MUCL1: variants seen among roughly 807,000 people sequenced by gnomAD.
MUCL1 encodes the protein mucin like 1.
A neutral mutation model predicts 9.2 loss-of-function variants in MUCL1; 11 were observed. The observed-to-expected ratio is 1.19, with a 90% CI of 0.75 to 1.97. The LOEUF (loss-of-function observed/expected upper bound fraction) is 1.97. MUCL1 is among the 30% of genes most tolerant of loss of function. The probability of loss-of-function intolerance (pLI) is 0.00; values close to 1 mark genes in which losing one functional copy is unlikely to be tolerated. For missense variants in MUCL1, 144 were observed against 110.9 expected, an observed-to-expected ratio of 1.30 and a Z score of -1.34; for synonymous variants, 48 against 40.5, an observed-to-expected ratio of 1.19 and a Z score of -0.71.
At chr12:54,851,745 T>C (rs1045470068), upstream of MUCL1, among the ~76,000 whole-genome samples, 143 of 152,264 alleles carry the variant, frequency 9.4e-4, no homozygotes, top group Non-Finnish European at 1.7e-3. Context: ...GACATGATTG[T>C]ATATCTAGAA....
At chr12:54,854,139 C>T (rs200615288), upstream of MUCL1, among the ~76,000 whole-genome samples, 5 of 152,300 alleles carry the variant, frequency 3.3e-5, no homozygotes, top group East Asian at 9.7e-4. Flanking sequence ...AGACAGAGGT[C>T]TAAGCACTCT....
At chr12:54,835,543 C>T (rs564110283), upstream of MUCL1, among the ~76,000 whole-genome samples, 1 of 150,104 alleles carries the variant, frequency 6.7e-6, no homozygotes, top group South Asian at 2.1e-4. Flanking sequence ...ATTTATTGGC[C>T]ATTTGTATAT....
chr12:54,853,829 T>C (rs1868275944), upstream of MUCL1, among the ~76,000 whole-genome samples: 1 of 152,240 alleles, frequency 6.6e-6, no homozygotes, highest in African/African-American at 2.4e-5. Context: ...TGGCATACAA[T>C]AATGCTCAAT....
At position 54,854,910 on chromosome 12, in the gene MUCL1, C is replaced by T. The variant is rs546976184; in HGVS notation, c.59-206C>T. On this transcript the variant is annotated intron_variant, in intron 1 of 3. Coordinates refer to ENST00000308796, the MANE Select transcript of MUCL1 (RefSeq NM_058173.3). The stretch of plus-strand genomic sequence containing the variant: ...CAAGAAGGTAATCAGAGGTTTATTT[C>T]GGGAAAGGAAAAATGACCACATATT... 2.2e-4 allele frequency among the ~76,000 whole-genome samples: 34 copies of T among 152,128 alleles called. No individual in the cohort carries two copies. In the East Asian group the frequency reaches 2.3e-3, roughly 10 times the overall value.
intron 3 of MUCL1, among the ~76,000 whole-genome samples, 177 bp from the exon 4 acceptor site, chr12:54,858,016 A>G (rs1868313687): frequency 6.6e-6 from 1 of 152,162 alleles, no homozygotes; most frequent in South Asian, 2.1e-4. Flanking sequence ...TATTTCCAAA[A>G]TCTTTAAGGA....
upstream of MUCL1, among the ~76,000 whole-genome samples, chr12:54,852,665 T>C (rs181922754): frequency 1.9e-4 from 29 of 152,300 alleles, no homozygotes; most frequent in Non-Finnish European, 3.1e-4. Flanking sequence ...CTTAAGTCTG[T>C]GTGGTGGGTC....
intron 2 of MUCL1, chr12:54,855,481 A>C: frequency 6.6e-6 from 2 of 302,656 alleles, no homozygotes; most frequent in Non-Finnish European, 1.3e-5. Flanking sequence ...CCTCTAATAA[A>C]TGGAAGGACT....
At chr12:54,843,373 T>A (rs1003135968) in intron 1 of MUCL1, among the ~76,000 whole-genome samples, 4 of 152,242 alleles carry the variant, frequency 2.6e-5, no homozygotes, top group African/African-American at 9.6e-5. Context: ...GATAATCCTA[T>A]GATTTTTAAA....
intron 2 of MUCL1, among the ~76,000 whole-genome samples, chr12:54,856,525 C>T (rs755876755): frequency 1.3e-5 from 2 of 152,276 alleles, no homozygotes; most frequent in Admixed American, 6.5e-5. Context: ...AAAGTACTTG[C>T]TTGTCTCTTT....
chr12:54,855,215 C>T lies in MUCL1; in HGVS notation c.100+58C>T, dbSNP rs1868290202. On this transcript the variant is annotated intron_variant, in intron 2 of 3. Coordinates refer to ENST00000308796, the MANE Select transcript of MUCL1 (RefSeq NM_058173.3). ...GCAATAACCATTTTTCACTTCCAGCCTCATGTCAAACAGCCAGTTTCCATG... is the reference window on the plus strand; with the variant it reads ...GCAATAACCATTTTTCACTTCCAGCTTCATGTCAAACAGCCAGTTTCCATG... The T allele has an allele frequency of 4.6e-6, 7 of 1,524,210 alleles. No individual in the cohort carries two copies. The Admixed American group carries it at 8.4e-5, about 18-fold the overall frequency. 94.4% of individuals were successfully genotyped at this position (1,524,210 alleles called of 1,614,324 possible).
intron 1 of MUCL1, among the ~76,000 whole-genome samples, chr12:54,842,288 A>C (rs1465699700): frequency 2.6e-5 from 4 of 152,008 alleles, no homozygotes; most frequent in Non-Finnish European, 5.9e-5. Context: ...TGCTGCATAT[A>C]TATATATATA....
upstream of MUCL1, among the ~76,000 whole-genome samples, chr12:54,837,789 C>CA (rs141375569): frequency 8.6e-5 from 13 of 151,876 alleles, no homozygotes; most frequent in South Asian, 1.7e-3. Flanking sequence ...AAAACAAAAA[C>CA]AAAAAAAATC....
At chr12:54,844,331 A>AT (rs969329748) in intron 1 of MUCL1, among the ~76,000 whole-genome samples, 8 of 151,898 alleles carry the variant, frequency 5.3e-5, no homozygotes, top group South Asian at 2.1e-4. Flanking sequence ...TGTTAGATAG[A>AT]TTTTTTTTGA....
At chr12:54,849,124 A>G (rs1959299350) in intron 1 of MUCL1, among the ~76,000 whole-genome samples, 1 of 152,172 alleles carries the variant, frequency 6.6e-6, no homozygotes, top group Non-Finnish European at 1.5e-5. Context: ...CAAAAAGAAG[A>G]AAGAATGGTT....
chr12:54,841,910 A>G (rs1959214118), intron 1 of MUCL1, among the ~76,000 whole-genome samples: 1 of 152,116 alleles, frequency 6.6e-6, no homozygotes, highest in South Asian at 2.1e-4. Context: ...GCATTCTCTT[A>G]TGTTTTCTTC....
At chr12:54,857,388 AT>A (rs1868309041) in intron 3 of MUCL1, among the ~76,000 whole-genome samples, 1 of 152,014 alleles carries the variant, frequency 6.6e-6, no homozygotes, top group Non-Finnish European at 1.5e-5. Context: ...CTTGAGGCAG[AT>A]TATTTTGAGT....
chr12:54,833,521 T>A (rs1247039025), intron 1 of MUCL1, among the ~76,000 whole-genome samples: 1 of 152,130 alleles, frequency 6.6e-6, no homozygotes, highest in African/African-American at 2.4e-5. Context: ...CACATTTTCA[T>A]AAATTTATTG....
At chr12:54,850,494 A>C (rs190874614), upstream of MUCL1, among the ~76,000 whole-genome samples, 6,576 of 151,798 alleles carry the variant, frequency 0.043, 166 homozygotes, top group Middle Eastern at 0.11. Context: ...TGAACTCATC[A>C]TTTTTTATGG....
chr12:54,846,206 T>G (rs1416678208), intron 1 of MUCL1, among the ~76,000 whole-genome samples: 4 of 152,168 alleles, frequency 2.6e-5, no homozygotes, highest in Non-Finnish European at 5.9e-5. Flanking sequence ...CGTCTGCAGA[T>G]GGCAAAACTG....
Sources: gnomAD v4.1 joint callset for allele counts (sites outside exome capture counted in the v4.1 genomes callset) on GRCh38, gnomAD v4.1.1 for gene constraint, MANE v1.5 for transcripts, NCBI Gene and HGNC (gene_info 2026-07-23, HGNC 2026-07-21) for gene names.